LDAH: variants seen among roughly 807,000 people sequenced by gnomAD.
LDAH encodes the protein lipid droplet-associated hydrolase.
A neutral mutation model predicts 29.6 loss-of-function variants in LDAH; 26 were observed. The ratio of observed to expected loss-of-function variants is 0.88; its 90% CI spans 0.64 to 1.22. The LOEUF (loss-of-function observed/expected upper bound fraction) is 1.22, where lower values mean the gene tolerates loss of function less well. Ranked by LOEUF, LDAH falls within the 50% of genes most tolerant of loss-of-function variation. LDAH has a pLI of 0.00. For synonymous variants in LDAH, 117 were observed against 133.0 expected (o/e 0.88, Z 0.83); for missense variants, 344 against 387.3 (o/e 0.89, Z 0.94).
Position 20,823,076 on chromosome 2 carries a change from TG to T in LDAH, c.-43del, listed in dbSNP as rs1673453450. ...GGCTGCCCGCTCTCCCTGAGGGTCC[TG>T]GGAAGGCGGCACGAGACCGGAAGTG... On this transcript the variant is annotated 5_prime_UTR_variant, in exon 1 of 7. Coordinates refer to ENST00000237822, the MANE Select transcript of LDAH (RefSeq NM_021925.4). 1 of 152,268 alleles carries T rather than the reference TG, an allele frequency of 6.6e-6. No individual in the cohort carries two copies. Among genetic ancestry groups the T allele is most frequent in the Non-Finnish European group, 1.5e-5 (1 of 68,150 alleles). 9.4% of individuals were successfully genotyped at this position (152,268 alleles called of 1,614,324 possible). A position where few individuals can be genotyped will look rare whatever the true frequency, so the allele number is the denominator to read the frequency against.
chr2:20,735,161 T>C (rs1666687652), intron 5 of LDAH, among the ~76,000 whole-genome samples: 1 of 152,220 alleles, frequency 6.6e-6, no homozygotes, highest in Admixed American at 6.5e-5. Flanking sequence ...TGTAAATTCA[T>C]ATCTTTTGCA....
At chr2:20,724,509 T>C (rs1458122056) in intron 5 of LDAH, among the ~76,000 whole-genome samples, 1 of 152,164 alleles carries the variant, frequency 6.6e-6, no homozygotes, top group African/African-American at 2.4e-5. Context: ...GCTAGTGCTT[T>C]GGAAAGCGGG....
intron 3 of LDAH, among the ~76,000 whole-genome samples, chr2:20,777,172 G>C (rs949990806): frequency 7.2e-5 from 11 of 152,102 alleles, no homozygotes; most frequent in Non-Finnish European, 1.3e-4. Context: ...AAGAAAATGG[G>C]CTAAATATTC....
rs557574089 is a variant in LDAH, at chr2:20,719,153, AT to A, written c.704-17502del. Among the ~76,000 whole-genome samples the A allele has an allele frequency of 2.2e-3, 337 of 151,980 alleles. 1 individual carries two copies. The highest frequency in any genetic ancestry group is 6.3e-3 in the African/African-American group (260 of 41,548). On this transcript the variant is annotated intron_variant, in intron 5 of 6. Transcript: ENST00000237822. ...ACCTAAAATTTGTAGAATAAAAAAAATAATAAAGATCAGAACAGAAATAAAT... is the reference window on the plus strand; with the variant it reads ...ACCTAAAATTTGTAGAATAAAAAAAAAATAAAGATCAGAACAGAAATAAAT...
intron 5 of LDAH, among the ~76,000 whole-genome samples, chr2:20,718,217 A>G (rs1665382477): frequency 6.6e-6 from 1 of 152,168 alleles, no homozygotes; most frequent in African/African-American, 2.4e-5. Context: ...AAGACATAGA[A>G]TGGCTGAATG....
intron 4 of LDAH, among the ~76,000 whole-genome samples, chr2:20,754,454 G>GCAC (rs1668179435): frequency 7.6e-6 from 1 of 132,416 alleles, no homozygotes; most frequent in South Asian, 2.3e-4. Context: ...TCATGCTACT[G>GCAC]CACTCCAGTC....
At chr2:20,814,952 C>G (rs1300763151) in intron 1 of LDAH, among the ~76,000 whole-genome samples, 1 of 152,132 alleles carries the variant, frequency 6.6e-6, no homozygotes, top group East Asian at 1.9e-4. Flanking sequence ...CATGCTTCAT[C>G]TGCTAATTAC....
intron 3 of LDAH, among the ~76,000 whole-genome samples, chr2:20,782,307 G>C (rs1156609883): frequency 6.6e-6 from 1 of 152,180 alleles, no homozygotes; most frequent in Non-Finnish European, 1.5e-5. Flanking sequence ...CTCTGAGTCT[G>C]TTTTCAACTT....
At position 20,762,890 on chromosome 2, in the gene LDAH, T is replaced by C. The variant is rs1668785923; in HGVS notation, c.468+11920A>G. Among the ~76,000 whole-genome samples the C allele has an allele frequency of 2.0e-5, 3 of 152,232 alleles. No homozygotes were observed. In the South Asian group the frequency reaches 6.2e-4, roughly 31 times the overall value. On this transcript the variant is annotated intron_variant, in intron 4 of 6. Transcript: ENST00000237822. ...AATGCCACGTAAACAACTATTTCCG[T>C]GCCTGAAGACACAAAAATACAGACC... is the stretch of plus-strand genomic sequence containing the variant.
At position 20,738,278 on chromosome 2, in the gene LDAH, AATAATAATAAT is replaced by A. The variant is rs560641617; in HGVS notation, c.703+1682_703+1692del. Among the ~76,000 whole-genome samples, 10 of 147,340 alleles carry A rather than the reference AATAATAATAAT, an allele frequency of 6.8e-5. 1 individual carries two copies. In the South Asian group the frequency reaches 8.6e-4, roughly 13 times the overall value. On this transcript the variant is annotated intron_variant, in intron 5 of 6. Transcript: ENST00000237822. The stretch of plus-strand genomic sequence containing the variant: ...AAATAATAATAATAATAATAATAAT[AATAATAATAAT>A]ATATAGATTCTTGCAAAATACAGTA...
At chr2:20,822,313 T>C (rs551514599) in intron 1 of LDAH, among the ~76,000 whole-genome samples, 51 of 152,078 alleles carry the variant, frequency 3.4e-4, no homozygotes, top group Middle Eastern at 6.8e-3. Flanking sequence ...ATGTATTTAT[T>C]TTTGTATTTT....
At chr2:20,821,319 A>G (rs1465134510) in intron 1 of LDAH, among the ~76,000 whole-genome samples, 2 of 152,250 alleles carry the variant, frequency 1.3e-5, no homozygotes, top group African/African-American at 2.4e-5. Context: ...ATGCACATGT[A>G]TGTTTATTGC....
At chr2:20,754,495 C>T (rs1668184240) in intron 4 of LDAH, among the ~76,000 whole-genome samples, 4 of 73,832 alleles carry the variant, frequency 5.4e-5, no homozygotes, top group Non-Finnish European at 2.3e-5. Context: ...CAACTACCCT[C>T]GCCACAAAAA....
At chr2:20,819,233 C>G (rs1436285749) in intron 1 of LDAH, among the ~76,000 whole-genome samples, 1 of 151,878 alleles carries the variant, frequency 6.6e-6, no homozygotes, top group Admixed American at 6.6e-5. Context: ...TTTAATGTAC[C>G]AGAGAGTAGC....
intron 3 of LDAH, among the ~76,000 whole-genome samples, chr2:20,776,727 A>C (rs1669853277): frequency 6.6e-6 from 1 of 152,184 alleles, no homozygotes; most frequent in African/African-American, 2.4e-5. Context: ...TTAGGTTTGA[A>C]GAGTTTATAC....
intron 5 of LDAH, among the ~76,000 whole-genome samples, chr2:20,721,930 T>C (rs994528711): frequency 6.6e-6 from 1 of 152,324 alleles, no homozygotes; most frequent in South Asian, 2.1e-4. Context: ...AAATGTGGTA[T>C]ATACACATAA....
intron 3 of LDAH, chr2:20,788,920 T>A (rs1670746223): frequency 2.1e-6 from 1 of 466,290 alleles, no homozygotes; most frequent in South Asian, 2.9e-5. Flanking sequence ...TCTCACAGAT[T>A]TAAAGGAGGT....
At chr2:20,709,938 T>G (rs778999306) in intron 5 of LDAH, among the ~76,000 whole-genome samples, 1 of 152,086 alleles carries the variant, frequency 6.6e-6, no homozygotes, top group Non-Finnish European at 1.5e-5. Flanking sequence ...GCCAAAGCAG[T>G]AGTTAGAGAG....
chr2:20,685,284 T>C lies in LDAH; in HGVS notation c.*1619A>G. The C allele has an allele frequency of 2.0e-6, 1 of 512,086 alleles. No individual in the cohort carries two copies. 31.7% of individuals were successfully genotyped at this position (512,086 alleles called of 1,614,324 possible). ...TTTACCCAGTATTGTTTACATGCCT[T>C]GATTTAGTATCAGTGAGTATCTCCT... On this transcript the variant is annotated 3_prime_UTR_variant, in exon 7 of 7. Coordinates refer to ENST00000237822, the MANE Select transcript of LDAH (RefSeq NM_021925.4).
Sources: allele counts gnomAD v4.1 joint callset (sites outside exome capture counted in the v4.1 genomes callset), GRCh38; gene constraint gnomAD v4.1.1; transcripts MANE v1.5; gene names NCBI Gene and HGNC (gene_info 2026-07-23, HGNC 2026-07-21).